The following UBE2S variants were observed in gnomAD, a reference collection of about 807,000 sequenced individuals.
The protein encoded by UBE2S is ubiquitin conjugating enzyme E2 S.
Under a neutral mutation model 12.3 loss-of-function variants are expected in UBE2S, and 3 were observed. The observed-to-expected ratio is 0.24, with a 90% CI of 0.11 to 0.63. The LOEUF (loss-of-function observed/expected upper bound fraction) is 0.63, where lower values mean the gene tolerates loss of function less well. Among genes scored for constraint, UBE2S ranks in the 30% least tolerant of loss-of-function variants. The pLI, the probability that UBE2S is intolerant of heterozygous loss-of-function variation, is 0.85. For missense variants in UBE2S, 211 were observed against 313.9 expected (o/e 0.67, Z 2.48); for synonymous variants, 133 against 142.0 (o/e 0.94, Z 0.45).
chr19:55,404,085 C>G lies in UBE2S; in HGVS notation c.342+203G>C. The G allele has an allele frequency of 1.6e-6, 1 of 612,366 alleles. No homozygotes were observed. The highest frequency in any genetic ancestry group is 2.8e-6 in the Non-Finnish European group (1 of 352,952). The allele number at this position is 612,366 out of a possible 1,614,324, so 37.9% of individuals were successfully genotyped here. On this transcript the variant is annotated intron_variant, in intron 3 of 3. Coordinates refer to ENST00000264552, the MANE Select transcript of UBE2S (RefSeq NM_014501.3). The surrounding 1 kb of genome is among the most constrained non-coding windows in gnomAD (Gnocchi z 4.4). The stretch of plus-strand genomic sequence containing the variant: ...CCACTCGTTGCATAGTAAGGTGCTC[C>G]TGGGCACTTCTCAACAGTACTTGGG...
In UBE2S at chr19:55,406,953, C is replaced by T. The variant is rs2090099963; in HGVS notation, c.13G>A (p.Val5Met). ...ATGATGTGCGGGGGTAGGTTCTCCA[C>T]GTTGGAGTTCTGGGCACGGATGGGA... MNSN[V>M]ENLPPHIIRL... Residue 5 changes from valine to methionine, a missense_variant, in exon 2 of 4, where the codon GTG becomes ATG. Coordinates refer to ENST00000264552, the MANE Select transcript of UBE2S (RefSeq NM_014501.3). The T allele has an allele frequency of 4.3e-6, 7 of 1,613,414 alleles. No homozygotes were observed. Among genetic ancestry groups the T allele is most frequent in the African/African-American group, 2.7e-5 (2 of 74,886 alleles).
chr19:55,407,478 G>T, intron 1 of UBE2S, 109 bp downstream of exon 1: 1 of 1,248,490 alleles, frequency 8.0e-7, no homozygotes. Flanking sequence ...GGGACCCCCA[G>T]GCTGGCCCTC....
chr19:55,404,410 G>A lies in UBE2S; in HGVS notation c.220C>T (p.Pro74Ser). ...TTGGTCAGGAAGTAGCCCTTGGGTG[G>A]GGAGGCAGGGAAGTCCTTCCCCAGC... ...LLLGKDFPASPPKGYFLTKIF... is the reference protein window; with the variant it reads ...LLLGKDFPASSPKGYFLTKIF... The change falls in exon 3 of 4, where the codon CCA becomes TCA. Residue 74 changes from proline (P) to serine (S), a missense_variant. Coordinates refer to ENST00000264552, the MANE Select transcript of UBE2S (RefSeq NM_014501.3). This position sits in a 1 kb window ranked among gnomAD's most constrained non-coding sequence, Gnocchi z 4.4. 6.2e-7 allele frequency: 1 copy of A among 1,613,564 alleles called. No homozygotes were observed.
rs757122797 is a variant in UBE2S at position 55,401,733 on chromosome 19, G to A, written c.372C>T (p.Asn124=). The A allele has an allele frequency of 6.2e-7, 1 of 1,613,394 alleles. No individual in the cohort carries two copies. Among genetic ancestry groups the A allele is most frequent in the Non-Finnish European group, 8.5e-7 (1 of 1,180,038 alleles). Residue 124 remains asparagine, a synonymous_variant, in exon 4 of 4, where the codon AAC becomes AAT. Coordinates refer to ENST00000264552, the MANE Select transcript of UBE2S (RefSeq NM_014501.3). ...LTIKCLLIHP[N]PESALNEEAG... is the part of the protein sequence containing the mutation. ...CCTCCTCGTTGAGTGCAGACTCGGG[G>A]TTAGGGTGGATCAGCAGGCACTTGA...
rs897520466 is a variant in UBE2S, at chr19:55,401,537, C to T, written c.568G>A (p.Gly190Arg). ...TDPGAPGGPG[G>R]AEGPMAKKHA... The stretch of plus-strand genomic sequence containing the variant: ...TTCTTGGCCATGGGACCCTCAGCCC[C>T]TCCCGGGCCCCCTGGGGCCCCAGGG... Residue 190 changes from glycine to arginine, a missense_variant, in exon 4 of 4, where the codon GGG becomes AGG. By Grantham distance (125) the Gly-to-Arg change is moderately radical (BLOSUM62 -2). Around this residue, in one of 2 missense-constraint regions of UBE2S, gnomAD observed 84 missense variants for 89.9 expected, o/e 0.93. Transcript: ENST00000264552. 6.2e-7 allele frequency: 1 copy of T among 1,610,688 alleles called. No homozygotes were observed. Among genetic ancestry groups the T allele is most frequent in the African/African-American group, 1.3e-5 (1 of 74,922 alleles).
chr19:55,405,199 A>T (rs1394947542), intron 2 of UBE2S, among the ~76,000 whole-genome samples: 2 of 125,470 alleles, frequency 1.6e-5, no homozygotes, highest in African/African-American at 6.5e-5. Context: ...AACAAGAGCG[A>T]AACTCTGTTT....
At position 55,404,264 on chromosome 19, in the gene UBE2S, G is replaced by A. The variant is rs754770749; in HGVS notation, c.342+24C>T. ...GACCTCCAGAGGCAGGAGGCAGGAG[G>A]CCCAGCCCCAGCCCAGAACTCACCA... On this transcript the variant is annotated intron_variant, in intron 3 of 3. Coordinates refer to ENST00000264552, the MANE Select transcript of UBE2S (RefSeq NM_014501.3). The surrounding 1 kb of genome is among the most constrained non-coding windows in gnomAD (Gnocchi z 4.4). 1.3e-5 allele frequency: 21 copies of A among 1,611,946 alleles called. No homozygotes were observed. The South Asian group carries it at 2.1e-4, about 16-fold the overall frequency.
Position 55,404,297 on chromosome 19 carries a change from G to A in UBE2S, c.333C>T (p.His111=), listed in dbSNP as rs1382629460. 3 of 1,613,030 alleles carry A rather than the reference G, an allele frequency of 1.9e-6. No homozygotes were observed. Among genetic ancestry groups the A allele is most frequent in the Non-Finnish European group, 1.7e-6 (2 of 1,179,850 alleles). ...CCAGCCCAGAACTCACCAGCAGTAC[G>A]TGTCGGATGCCCAGCTCAGCCGTCC... The part of the protein sequence containing the change: ...RDWTAELGIR[H]VLLTIKCLLI... The change falls in exon 3 of 4, where the codon CAC becomes CAT. Residue 111 remains histidine, a synonymous_variant. Transcript: ENST00000264552. This position sits in a 1 kb window ranked among gnomAD's most constrained non-coding sequence, Gnocchi z 4.4.
Position 55,404,269 on chromosome 19 carries a change from G to C in UBE2S, c.342+19C>G, listed in dbSNP as rs752901403. 1 of 1,609,362 alleles carries C rather than the reference G, an allele frequency of 6.2e-7. No homozygotes were observed. Among genetic ancestry groups the C allele is most frequent in the South Asian group, 1.1e-5 (1 of 90,998 alleles). On this transcript the variant is annotated intron_variant, in intron 3 of 3. Transcript: ENST00000264552. The surrounding 1 kb of genome is among the most constrained non-coding windows in gnomAD (Gnocchi z 4.4). Reference sequence around the variant, plus strand: ...CCAGAGGCAGGAGGCAGGAGGCCCAGCCCCAGCCCAGAACTCACCAGCAGT... The same window carrying C: ...CCAGAGGCAGGAGGCAGGAGGCCCACCCCCAGCCCAGAACTCACCAGCAGT...
rs1045550295 is a variant in UBE2S, at chr19:55,405,240, T to A, written c.152-762A>T. On this transcript the variant is annotated intron_variant, in intron 2 of 3. Coordinates refer to ENST00000264552, the MANE Select transcript of UBE2S (RefSeq NM_014501.3). Reference sequence around the variant, plus strand: ...AAAAAAAAAAAAAAGCCAAGCGCGGTGCCTCACACCTGTAATCCCAGCACT... The same window carrying A: ...AAAAAAAAAAAAAAGCCAAGCGCGGAGCCTCACACCTGTAATCCCAGCACT... Among the ~76,000 whole-genome samples the A allele has an allele frequency of 2.2e-5, 3 of 136,878 alleles. No individual in the cohort carries two copies. The East Asian group carries it at 6.2e-4, about 28-fold the overall frequency. 89.8% of individuals were successfully genotyped at this position (136,878 alleles called of 152,430 possible). A position where few individuals can be genotyped will look rare whatever the true frequency, so the allele number is the denominator to read the frequency against.
rs1018941067 is a variant in UBE2S, at chr19:55,400,325, A to T, written c.*1111T>A. On this transcript the variant is annotated 3_prime_UTR_variant, in exon 4 of 4. Coordinates refer to ENST00000264552, the MANE Select transcript of UBE2S (RefSeq NM_014501.3). ...AGCCATTGCGCCTGGCCTATTTTTA[A>T]TTTTTTTAAAATTAATGAGACATTG... is the stretch of plus-strand genomic sequence containing the variant. 2 of 152,118 alleles carry T rather than the reference A, an allele frequency of 1.3e-5. No homozygotes were observed. The highest frequency in any genetic ancestry group is 6.5e-5 in the Admixed American group (1 of 15,268). 9.4% of individuals were successfully genotyped at this position (152,118 alleles called of 1,614,324 possible).
intron 3 of UBE2S, chr19:55,403,816 C>T (rs1293560441): frequency 6.2e-6 from 1 of 162,438 alleles, no homozygotes; most frequent in South Asian, 1.4e-4. Flanking sequence ...TCTCGGCTCA[C>T]TGCAACCTCT....
rs1204262259 is a variant in UBE2S, at chr19:55,400,399, C to T, written c.*1037G>A. ...ATAGAATGGGAAGTTTCCCCACCCC[C>T]TGGTGTGCACACCCAGGTTAATCCC... On this transcript the variant is annotated 3_prime_UTR_variant, in exon 4 of 4. Transcript: ENST00000264552. 1.3e-5 allele frequency: 2 copies of T among 152,182 alleles called. No individual in the cohort carries two copies. Among genetic ancestry groups the T allele is most frequent in the South Asian group, 2.1e-4 (1 of 4,826 alleles). The allele number at this position is 152,182 out of a possible 1,614,324, so 9.4% of individuals were successfully genotyped here. A position where few individuals can be genotyped will look rare whatever the true frequency, so the allele number is the denominator to read the frequency against.
In UBE2S at chr19:55,407,657, C is replaced by A; in HGVS notation, c.-68G>T. ...GCGTTCTTCGGTCCGCCGGCCGGGG[C>A]GGGGGGCCCAACTGCTGCCGCTGCG... On this transcript the variant is annotated 5_prime_UTR_variant, in exon 1 of 4. Coordinates refer to ENST00000264552, the MANE Select transcript of UBE2S (RefSeq NM_014501.3). 5 of 1,246,734 alleles carry A rather than the reference C, an allele frequency of 4.0e-6. No homozygotes were observed. The highest frequency in any genetic ancestry group is 5.1e-6 in the Non-Finnish European group (5 of 976,338). The allele number at this position is 1,246,734 out of a possible 1,614,324, so 77.2% of individuals were successfully genotyped here. A position where few individuals can be genotyped will look rare whatever the true frequency, so the allele number is the denominator to read the frequency against.
At position 55,401,569 on chromosome 19, in the gene UBE2S, G is replaced by A. The variant is rs780766273; in HGVS notation, c.536C>T (p.Ser179Phe). 2 of 1,610,182 alleles carry A rather than the reference G, an allele frequency of 1.2e-6. No individual in the cohort carries two copies. Among genetic ancestry groups the A allele is most frequent in the Non-Finnish European group, 1.7e-6 (2 of 1,179,400 alleles). ...GCCCCCTGGGGCCCCAGGGTCGGTGGAGGAAGCTTCAGTGCCACTGGCCAG... is the reference window on the plus strand; with the variant it reads ...GCCCCCTGGGGCCCCAGGGTCGGTGAAGGAAGCTTCAGTGCCACTGGCCAG... The part of the protein sequence containing the change: ...RALASGTEAS[S>F]TDPGAPGGPG... The change falls in exon 4 of 4, where the codon TCC (serine) becomes TTC (phenylalanine). Residue 179 changes from serine (S) to phenylalanine (F), a missense_variant. This residue lies in a region of UBE2S where 84 missense variants were observed against 89.9 expected (regional missense o/e 0.93). Transcript: ENST00000264552.
intron 2 of UBE2S, among the ~76,000 whole-genome samples, chr19:55,406,552 G>A (rs1292154196): frequency 6.6e-6 from 1 of 152,072 alleles, no homozygotes; most frequent in Non-Finnish European, 1.5e-5. Context: ...CCACCCTCAG[G>A]TCCAGGGAAG....
intron 2 of UBE2S, among the ~76,000 whole-genome samples, chr19:55,406,397 C>T (rs1004435146): frequency 1.3e-5 from 2 of 152,176 alleles, no homozygotes; most frequent in African/African-American, 4.8e-5. Context: ...GACCCGTCTC[C>T]CCACGATCTG....
At chr19:55,406,711 G>C (rs2090098315) in intron 2 of UBE2S, 104 bp downstream of exon 2, 14 of 1,448,090 alleles carry the variant, frequency 9.7e-6, no homozygotes, top group Non-Finnish European at 1.3e-5. Flanking sequence ...CCCAACACCT[G>C]ACACGAGGCC....
At position 55,404,510 on chromosome 19, in the gene UBE2S, C is replaced by G. The variant is rs762705507; in HGVS notation, c.152-32G>C. On this transcript the variant is annotated intron_variant, in intron 2 of 3. Coordinates refer to ENST00000264552, the MANE Select transcript of UBE2S (RefSeq NM_014501.3). This position sits in a 1 kb window ranked among gnomAD's most constrained non-coding sequence, Gnocchi z 4.4. ...TGGAGGGAGGGGTACAGGGTCAGGG[C>G]ACTCAGGAGTCCCAAGGCACCTCAA... 6.4e-7 allele frequency: 1 copy of G among 1,558,078 alleles called. No homozygotes were observed. Among genetic ancestry groups the G allele is most frequent in the South Asian group, 1.2e-5 (1 of 81,908 alleles).
Sources: gnomAD v4.1 joint callset for allele counts (sites outside exome capture counted in the v4.1 genomes callset) on GRCh38, gnomAD v4.1.1 for gene constraint, gnomAD v4.1.1 regional missense constraint, Gnocchi (gnomAD v3.1) non-coding constraint, MANE v1.5 for transcripts, NCBI Gene and HGNC (gene_info 2026-07-23, HGNC 2026-07-21) for gene names.